Variants in COL16A1 observed in about 807,000 individuals in gnomAD.
The protein encoded by COL16A1 is collagen alpha-1(XVI) chain.
Under a neutral mutation model 266.3 loss-of-function variants are expected in COL16A1, and 189 were observed. The observed-to-expected ratio is 0.71, with a 90% CI of 0.63 to 0.80. COL16A1 has a LOEUF of 0.80. Ranked by LOEUF, COL16A1 falls within the 30% of genes least tolerant of loss-of-function variation. The pLI is 0.00. For missense variants in COL16A1, 1,928 were observed against 2,122.4 expected (o/e 0.91, Z 1.80); for synonymous variants, 740 against 782.3 (o/e 0.95, Z 0.90).
Position 31,698,301 on chromosome 1 carries a change from T to G in COL16A1, c.391-129A>C, listed in dbSNP as rs1644586495. ...GGCCCAGAAAGAGAAGAAAGCCGGC[T>G]GGGGTCAAGGAGCTATACATCCTGA... On this transcript the variant is annotated intron_variant, in intron 5 of 70. Transcript: ENST00000373672. The surrounding 1 kb of genome is among the most constrained non-coding windows in gnomAD (Gnocchi z 4.1). 3 of 1,538,422 alleles carry G rather than the reference T, an allele frequency of 2.0e-6. No homozygotes were observed. Among genetic ancestry groups the G allele is most frequent in the African/African-American group, 1.4e-5 (1 of 72,642 alleles).
rs1463136400 is a variant in COL16A1 at position 31,658,953 on chromosome 1, C to T, written c.3891G>A (p.Gly1297=). ...CAGCTGGTCCTGGCTGGCCTGGAGG[C>T]CCTGGTGGCCCCTAAAGAGAGATGA... ...PGPPGHVGPP[G]PPGQPGPAGI... is the part of the protein sequence containing the mutation. Residue 1297 remains glycine (G), a synonymous_variant, in exon 63 of 71, where the codon GGG becomes GGA. Transcript: ENST00000373672. 1 of 1,554,122 alleles carries T rather than the reference C, an allele frequency of 6.4e-7. No individual in the cohort carries two copies. Among genetic ancestry groups the T allele is most frequent in the East Asian group, 2.4e-5 (1 of 41,104 alleles).
Position 31,698,923 on chromosome 1 carries a change from G to A in COL16A1, c.267-317C>T, listed in dbSNP as rs192635501. On this transcript the variant is annotated intron_variant, in intron 4 of 70. Coordinates refer to ENST00000373672, the MANE Select transcript of COL16A1 (RefSeq NM_001856.4). The surrounding 1 kb of genome is among the most constrained non-coding windows in gnomAD (Gnocchi z 4.1). ...AGCCTGGGCAGCATGGTGAAACACC[G>A]TCTCTACTAAAAATACAAAAAATTC... Among the ~76,000 whole-genome samples, 615 of 152,204 alleles carry A rather than the reference G, an allele frequency of 4.0e-3. 5 individuals are homozygous for A. The highest frequency in any genetic ancestry group is 0.014 in the African/African-American group (575 of 41,518).
Position 31,657,190 on chromosome 1 carries a change from C to G in COL16A1, c.4021-122G>C. On this transcript the variant is annotated intron_variant, in intron 64 of 70. Coordinates refer to ENST00000373672, the MANE Select transcript of COL16A1 (RefSeq NM_001856.4). The surrounding 1 kb of genome is among the most constrained non-coding windows in gnomAD (Gnocchi z 6.4). Reference sequence around the variant, plus strand: ...CACCCAGAGGCCACGATCCTCCAGCCCTCACCCTCTGACAATCTGGGCACA... The same window carrying G: ...CACCCAGAGGCCACGATCCTCCAGCGCTCACCCTCTGACAATCTGGGCACA... The G allele has an allele frequency of 8.0e-7, 1 of 1,246,634 alleles. No homozygotes were observed. Among genetic ancestry groups the G allele is most frequent in the Middle Eastern group, 2.5e-4 (1 of 3,984 alleles). The allele number at this position is 1,246,634 out of a possible 1,614,324, so 77.2% of individuals were successfully genotyped here. A position where few individuals can be genotyped will look rare whatever the true frequency, so the allele number is the denominator to read the frequency against.
intron 42 of COL16A1, among the ~76,000 whole-genome samples, chr1:31,677,389 C>T (rs181725365): frequency 6.6e-6 from 1 of 152,300 alleles, no homozygotes; most frequent in African/African-American, 2.4e-5. Context: ...ACGCCTGGCC[C>T]GAACATGTTA....
intron 68 of COL16A1, among the ~76,000 whole-genome samples, chr1:31,654,513 A>G (rs528187936): frequency 6.6e-6 from 1 of 152,340 alleles, no homozygotes; most frequent in South Asian, 2.1e-4. Flanking sequence ...AGCTCACTTC[A>G]GGCAGACTCG....
At chr1:31,695,719 A>G in intron 10 of COL16A1, 42 bp downstream of exon 10, 1 of 1,606,986 alleles carries the variant, frequency 6.2e-7, no homozygotes, top group Non-Finnish European at 8.5e-7. Context: ...CAAAGGGTTC[A>G]TGCTGGCACC....
intron 2 of COL16A1, chr1:31,701,405 T>C (rs1644719631): frequency 1.0e-6 from 1 of 985,302 alleles, no homozygotes; most frequent in African/African-American, 1.7e-5. Flanking sequence ...CACAATCCCT[T>C]TCACCTCAGC....
rs544826639 is a variant in COL16A1, at chr1:31,655,745, C to T, written c.4102-243G>A. On this transcript the variant is annotated intron_variant, in intron 66 of 70. Transcript: ENST00000373672. Reference sequence around the variant, plus strand: ...ATGTCCTCAGGATAAAGCACTCATTCGTTGGCCGGGCATGCAAGGCCATTC... The same window carrying T: ...ATGTCCTCAGGATAAAGCACTCATTTGTTGGCCGGGCATGCAAGGCCATTC... 91 of 621,424 alleles carry T rather than the reference C, an allele frequency of 1.5e-4. 1 individual carries two copies. Among genetic ancestry groups the T allele is most frequent in the South Asian group, 1.4e-3 (56 of 41,276 alleles). The allele number at this position is 621,424 out of a possible 1,614,324, so 38.5% of individuals were successfully genotyped here.
chr1:31,675,812 C>T (rs1480383607), intron 42 of COL16A1, among the ~76,000 whole-genome samples: 1 of 152,126 alleles, frequency 6.6e-6, no homozygotes, highest in East Asian at 1.9e-4. Flanking sequence ...AGGCGCTCAC[C>T]ACCATGCCTG....
At chr1:31,658,419 T>C in intron 64 of COL16A1, 69 bp downstream of exon 64, 1 of 1,276,944 alleles carries the variant, frequency 7.8e-7, no homozygotes, top group East Asian at 2.4e-5. Flanking sequence ...TATGTTGTGC[T>C]GTGCTCAACA....
intron 60 of COL16A1, 138 bp from the exon 61 acceptor site, chr1:31,661,257 C>T: frequency 1.3e-6 from 2 of 1,483,866 alleles, no homozygotes; most frequent in Non-Finnish European, 9.2e-7. Context: ...AGCTGGTAGA[C>T]AGAGAAGCCC....
chr1:31,691,678 C>T (rs752005334), intron 17 of COL16A1, 36 bp from the exon 18 acceptor site: 5 of 1,601,894 alleles, frequency 3.1e-6, no homozygotes, highest in Non-Finnish European at 4.3e-6. Flanking sequence ...TACAAACAGC[C>T]CTGAGGCCTG....
chr1:31,692,234 G>A (rs1444279074), intron 16 of COL16A1, among the ~76,000 whole-genome samples, 167 bp from the exon 17 acceptor site: 1 of 152,104 alleles, frequency 6.6e-6, no homozygotes, highest in Non-Finnish European at 1.5e-5. Context: ...CCAGACAACA[G>A]GTAGAACTTC....
At position 31,684,771 on chromosome 1, in the gene COL16A1, G is replaced by T. The variant is rs568517084; in HGVS notation, c.2052+50C>A. 1.9e-6 allele frequency: 3 copies of T among 1,613,998 alleles called. No homozygotes were observed. In the East Asian group the frequency reaches 6.7e-5, roughly 36 times the overall value. ...AGGGAGGAAAATGAGGCAAGGAGGG[G>T]ATCTGAGATGATGCCATGCCCACCC... On this transcript the variant is annotated intron_variant, in intron 30 of 70. Coordinates refer to ENST00000373672, the MANE Select transcript of COL16A1 (RefSeq NM_001856.4).
At position 31,652,920 on chromosome 1, in the gene COL16A1, T is replaced by C; in HGVS notation, c.4613-67A>G. ...GATCATAAGGGAAAAGAAGCCATAA[T>C]GGCATCAAATAATACCTTACATTTG... is the stretch of plus-strand genomic sequence containing the variant. On this transcript the variant is annotated intron_variant, in intron 70 of 70. Transcript: ENST00000373672. The surrounding 1 kb of genome is among the most constrained non-coding windows in gnomAD (Gnocchi z 4.8). 4.4e-6 allele frequency: 6 copies of C among 1,378,504 alleles called. No individual in the cohort carries two copies. Among genetic ancestry groups the C allele is most frequent in the Non-Finnish European group, 5.7e-6 (6 of 1,050,876 alleles). 85.4% of individuals were successfully genotyped at this position (1,378,504 alleles called of 1,614,324 possible). A position where few individuals can be genotyped will look rare whatever the true frequency, so the allele number is the denominator to read the frequency against.
intron 13 of COL16A1, 45 bp from the exon 14 acceptor site, chr1:31,692,853 A>C: frequency 6.4e-7 from 1 of 1,565,782 alleles, no homozygotes; most frequent in Non-Finnish European, 8.8e-7. Flanking sequence ...CTCCTGGGGA[A>C]GTCCCCTAGA....
At chr1:31,701,654 G>A (rs1308552412) in intron 2 of COL16A1, 5 of 768,964 alleles carry the variant, frequency 6.5e-6, no homozygotes, top group African/African-American at 3.8e-5. Flanking sequence ...GGAGAAGCAC[G>A]TGAGCTAGAG....
chr1:31,660,940 C>G (rs781365249), intron 61 of COL16A1, 126 bp downstream of exon 61: 75 of 1,081,712 alleles, frequency 6.9e-5, no homozygotes, highest in Non-Finnish European at 9.6e-5. Context: ...TGGGTGACAC[C>G]CCTCCCAGAA....
chr1:31,665,196 G>C lies in COL16A1; in HGVS notation c.3531C>G (p.Gly1177=). The C allele has an allele frequency of 6.2e-7, 1 of 1,603,332 alleles. No homozygotes were observed. The highest frequency in any genetic ancestry group is 1.3e-5 in the African/African-American group (1 of 74,228). The change falls in exon 56 of 71, where the codon GGC becomes GGG. Residue 1177 remains glycine, a synonymous_variant. Coordinates refer to ENST00000373672, the MANE Select transcript of COL16A1 (RefSeq NM_001856.4). The stretch of plus-strand genomic sequence containing the variant: ...CCTTCTCTGCTTGAGGGCCAGGTGG[G>C]CCAGGTGATCCAACTTTGCCTGGGA... The part of the protein sequence containing the change: ...PGFPGKVGSP[G]PPGPQAEKGS...
Sources: allele counts gnomAD v4.1 joint callset (sites outside exome capture counted in the v4.1 genomes callset), GRCh38; gene constraint gnomAD v4.1.1; non-coding constraint Gnocchi (gnomAD v3.1); transcripts MANE v1.5; gene names NCBI Gene and HGNC (gene_info 2026-07-23, HGNC 2026-07-21).